The following RASGEF1C variants were observed in gnomAD, a reference collection of about 807,000 sequenced individuals.
RASGEF1C encodes the protein ras-GEF domain-containing family member 1C.
Under a neutral mutation model 58.1 loss-of-function variants are expected in RASGEF1C, and 27 were observed. The observed-to-expected ratio is 0.46, with a 90% confidence interval of 0.34 to 0.64. RASGEF1C has a LOEUF of 0.64. Ranked by LOEUF, RASGEF1C falls within the 30% of genes least tolerant of loss-of-function variation. The pLI is 0.01. For synonymous variants in RASGEF1C, 243 were observed against 246.3 expected (o/e 0.99, Z 0.13); for missense variants, 502 against 605.1 (o/e 0.83, Z 1.79).
chr5:180,128,760 C>T, intron 4 of RASGEF1C, 150 bp from the exon 5 acceptor site: 1 of 783,168 alleles, frequency 1.3e-6, no homozygotes, highest in Non-Finnish European at 2.0e-6. Context: ...GGGCCAGGAC[C>T]TGCCCCTACC....
intron 1 of RASGEF1C, among the ~76,000 whole-genome samples, chr5:180,161,424 G>A (rs1162857699): frequency 6.6e-6 from 1 of 152,264 alleles, no homozygotes; most frequent in African/African-American, 2.4e-5. Flanking sequence ...GGCAGCCCCG[G>A]CGACACGAGG....
At chr5:180,203,047 G>C (rs1756424481) in intron 1 of RASGEF1C, among the ~76,000 whole-genome samples, 1 of 152,106 alleles carries the variant, frequency 6.6e-6, no homozygotes, top group African/African-American at 2.4e-5. Context: ...GCTAAGCTTT[G>C]TCCAGTCAAA....
At position 180,111,933 on chromosome 5, in the gene RASGEF1C, C is replaced by A. The variant is rs563004269; in HGVS notation, c.1180-353G>T. ...ATTTTATTTAAGTAAAATGTAAACA[C>A]ATGTATTTAATTTTTAAAAAAGGTG... On this transcript the variant is annotated intron_variant, in intron 11 of 13. Coordinates refer to ENST00000361132, the MANE Select transcript of RASGEF1C (RefSeq NM_175062.4). 2.0e-5 allele frequency among the ~76,000 whole-genome samples: 3 copies of A among 152,232 alleles called. No homozygotes were observed. In the East Asian group the frequency reaches 5.8e-4, roughly 29 times the overall value.
intron 1 of RASGEF1C, among the ~76,000 whole-genome samples, chr5:180,166,310 G>A (rs1767019871): frequency 6.6e-6 from 1 of 152,068 alleles, no homozygotes; most frequent in Non-Finnish European, 1.5e-5. Flanking sequence ...GAGGGACAGA[G>A]GAGTCTATTA....
chr5:180,126,757 C>T (rs764756978), intron 6 of RASGEF1C, among the ~76,000 whole-genome samples: 2 of 152,194 alleles, frequency 1.3e-5, no homozygotes, highest in Non-Finnish European at 2.9e-5. Flanking sequence ...TAAACATTGT[C>T]TATCCCAAAT....
chr5:180,154,788 A>G (rs1252068874), intron 1 of RASGEF1C, among the ~76,000 whole-genome samples: 3 of 151,902 alleles, frequency 2.0e-5, no homozygotes, highest in Non-Finnish European at 1.5e-5. Flanking sequence ...TCACTGTGTT[A>G]GCCAGGATGG....
At chr5:180,204,427 C>T (rs188927322) in intron 1 of RASGEF1C, among the ~76,000 whole-genome samples, 1 of 152,304 alleles carries the variant, frequency 6.6e-6, no homozygotes, top group East Asian at 1.9e-4. Flanking sequence ...TGTTAATATT[C>T]ATACGTTTTG....
chr5:180,146,517 T>C (rs533285578), intron 1 of RASGEF1C, among the ~76,000 whole-genome samples: 2 of 152,312 alleles, frequency 1.3e-5, no homozygotes, highest in East Asian at 3.9e-4. Flanking sequence ...ACTTTTTTTT[T>C]TTGTCATGAA....
chr5:180,195,186 A>G (rs936361525), intron 1 of RASGEF1C, among the ~76,000 whole-genome samples: 1 of 152,074 alleles, frequency 6.6e-6, no homozygotes, highest in African/African-American at 2.4e-5. Flanking sequence ...CAGCTGGGGC[A>G]TCGTGCCCTC....
chr5:180,107,110 T>G (rs539541649), intron 12 of RASGEF1C, among the ~76,000 whole-genome samples: 4 of 152,344 alleles, frequency 2.6e-5, no homozygotes, highest in African/African-American at 4.8e-5. Flanking sequence ...AATATTAGCA[T>G]GCTATATCTT....
At chr5:180,121,927 A>T (rs1464911007) in intron 6 of RASGEF1C, among the ~76,000 whole-genome samples, 4 of 152,106 alleles carry the variant, frequency 2.6e-5, no homozygotes, top group Non-Finnish European at 5.9e-5. Context: ...TTTGCTGATA[A>T]TTTCATTGCT....
intron 1 of RASGEF1C, among the ~76,000 whole-genome samples, chr5:180,166,422 A>G (rs1581116302): frequency 2.6e-5 from 4 of 152,220 alleles, no homozygotes; most frequent in African/African-American, 7.2e-5. Flanking sequence ...TTCTGTGAGC[A>G]GTGCTTGCAG....
At chr5:180,178,209 G>A (rs960675230) in intron 1 of RASGEF1C, among the ~76,000 whole-genome samples, 2 of 141,478 alleles carry the variant, frequency 1.4e-5, no homozygotes, top group African/African-American at 5.3e-5. Context: ...ATCTGGCCTC[G>A]TGATCTGCTT....
chr5:180,152,230 A>G (rs962864374), intron 1 of RASGEF1C, among the ~76,000 whole-genome samples: 2 of 152,144 alleles, frequency 1.3e-5, no homozygotes, highest in Non-Finnish European at 2.9e-5. Flanking sequence ...TATATACCCA[A>G]AGGGTTATAA....
rs193135705 is a variant in RASGEF1C, at chr5:180,175,764, C to T, written c.-7+33264G>A. Among the ~76,000 whole-genome samples the T allele has an allele frequency of 1.8e-4, 27 of 152,334 alleles. No individual in the cohort carries two copies. In the East Asian group the frequency reaches 5.2e-3, roughly 29 times the overall value. Reference sequence around the variant, plus strand: ...CCTGTGATCCCAGCACTCTGGGAGGCTGAGGCAGCAGATCACGAGGTCAGG... The same window carrying T: ...CCTGTGATCCCAGCACTCTGGGAGGTTGAGGCAGCAGATCACGAGGTCAGG... On this transcript the variant is annotated intron_variant, in intron 1 of 13. Transcript: ENST00000361132.
At chr5:180,128,085 G>C (rs2113265942) in intron 5 of RASGEF1C, among the ~76,000 whole-genome samples, 1 of 152,340 alleles carries the variant, frequency 6.6e-6, no homozygotes, top group East Asian at 1.9e-4. Context: ...ACCTTTCTGG[G>C]CCTTAGTTTC....
intron 10 of RASGEF1C, chr5:180,115,275 A>G: frequency 2.3e-6 from 1 of 436,256 alleles, no homozygotes; most frequent in Non-Finnish European, 4.5e-6. Flanking sequence ...CGGCCTCCCA[A>G]GGTGGCCTCC....
At chr5:180,125,927 A>G (rs915292101) in intron 6 of RASGEF1C, among the ~76,000 whole-genome samples, 1 of 152,212 alleles carries the variant, frequency 6.6e-6, no homozygotes, top group Non-Finnish European at 1.5e-5. Flanking sequence ...CCCTACAGAA[A>G]GTGTGCACTC....
At chr5:180,165,749 C>CTTT (rs1767011754) in intron 1 of RASGEF1C, among the ~76,000 whole-genome samples, 2 of 74,418 alleles carry the variant, frequency 2.7e-5, no homozygotes, top group Non-Finnish European at 6.1e-5. Flanking sequence ...TTTAATTTTT[C>CTTT]CTTTTTTTTT....
Sources: allele counts gnomAD v4.1 joint callset (sites outside exome capture counted in the v4.1 genomes callset), GRCh38; gene constraint gnomAD v4.1.1; transcripts MANE v1.5; gene names NCBI Gene and HGNC (gene_info 2026-07-23, HGNC 2026-07-21).